The following MBTPS1 variants were observed in gnomAD, a reference collection of about 807,000 sequenced individuals.
MBTPS1 encodes membrane bound transcription factor peptidase, site 1, also known as membrane-bound transcription factor site-1 protease.
In MBTPS1, 94 loss-of-function variants were observed where a neutral mutation model predicts 127.8. The ratio of observed to expected loss-of-function variants is 0.74; its 90% CI spans 0.62 to 0.87. The LOEUF is 0.87. MBTPS1 is among the 40% of genes least tolerant of loss of function. MBTPS1 has a pLI of 0.00. For synonymous variants in MBTPS1, 632 were observed against 509.4 expected (o/e 1.24, Z -3.24); for missense variants, 1,636 against 1,353.2 (o/e 1.21, Z -3.28).
intron 10 of MBTPS1, chr16:84,082,125 C>T (rs2085950951): frequency 2.7e-6 from 1 of 371,766 alleles, no homozygotes; most frequent in African/African-American, 2.1e-5. Flanking sequence ...ACGGGACCCA[C>T]TTATGCTAAA....
intron 7 of MBTPS1, among the ~76,000 whole-genome samples, chr16:84,091,368 C>A (rs2151162505): frequency 6.6e-6 from 1 of 151,918 alleles, no homozygotes; most frequent in African/African-American, 2.4e-5. Flanking sequence ...CACCTGTAAT[C>A]CCGGCTACTT....
chr16:84,092,697 C>T (rs2086125857), intron 6 of MBTPS1, among the ~76,000 whole-genome samples: 1 of 152,176 alleles, frequency 6.6e-6, no homozygotes, highest in Admixed American at 6.5e-5. Flanking sequence ...GACCCTCTCC[C>T]TTTTCTATAG....
intron 14 of MBTPS1, among the ~76,000 whole-genome samples, chr16:84,069,030 C>A (rs1313930270): frequency 1.3e-5 from 2 of 152,176 alleles, no homozygotes; most frequent in African/African-American, 4.8e-5. Context: ...AACGGGCTTG[C>A]CTTGGTCTAT....
At chr16:84,063,558 C>G (rs2085643696) in intron 18 of MBTPS1, 113 bp from the exon 19 acceptor site, 1 of 1,038,044 alleles carries the variant, frequency 9.6e-7, no homozygotes, top group Non-Finnish European at 1.4e-6. Flanking sequence ...ATCTAATATT[C>G]AATTAAAACA....
chr16:84,071,857 G>A (rs953930799), intron 12 of MBTPS1: 4 of 152,178 alleles, frequency 2.6e-5, no homozygotes, highest in African/African-American at 9.7e-5. Context: ...CTATGACAGG[G>A]CGATCATGTT....
At chr16:84,113,236 C>T (rs182794140) in intron 1 of MBTPS1, among the ~76,000 whole-genome samples, 2 of 152,196 alleles carry the variant, frequency 1.3e-5, no homozygotes, top group East Asian at 3.9e-4. Flanking sequence ...ACTTAGAGAG[C>T]CTACTTAGGG....
At position 84,103,038 on chromosome 16, in the gene MBTPS1, G is replaced by A. The variant is rs182598265; in HGVS notation, c.-324-931C>T. On this transcript the variant is annotated intron_variant, in intron 1 of 22. Coordinates refer to ENST00000343411, the MANE Select transcript of MBTPS1 (RefSeq NM_003791.4). ...GTCACCTGAATATTAAATTAAGCATGCGCACAGATATCTTCCAAAACATCT... is the reference window on the plus strand; with the variant it reads ...GTCACCTGAATATTAAATTAAGCATACGCACAGATATCTTCCAAAACATCT... Among the ~76,000 whole-genome samples, 8 of 152,218 alleles carry A rather than the reference G, an allele frequency of 5.3e-5. No homozygotes were observed. In the East Asian group the frequency reaches 1.5e-3, roughly 29 times the overall value.
At chr16:84,107,696 A>G (rs145137551) in intron 1 of MBTPS1, among the ~76,000 whole-genome samples, 1 of 140,196 alleles carries the variant, frequency 7.1e-6, no homozygotes, top group Non-Finnish European at 1.5e-5. Flanking sequence ...CAACCCCCGA[A>G]CTCCTGGGCC....
At chr16:84,071,836 G>A (rs1392753286) in intron 12 of MBTPS1, 1 of 152,170 alleles carries the variant, frequency 6.6e-6, no homozygotes, top group African/African-American at 2.4e-5. Context: ...ACACAGCAAT[G>A]GTGAATTTCT....
Position 84,095,641 on chromosome 16 carries a change from T to A in MBTPS1, c.586A>T (p.Thr196Ser). Residue 196 changes from threonine (T) to serine (S), a missense_variant, in exon 4 of 23, where the codon ACA becomes TCA. Coordinates refer to ENST00000343411, the MANE Select transcript of MBTPS1 (RefSeq NM_003791.4). Reference sequence around the variant, plus strand: ...TGCCAGAGCACATCTGCCTGCAGTGTCTGGGCAACCTGGCGCGGGATGGCT... The same window carrying A: ...TGCCAGAGCACATCTGCCTGCAGTGACTGGGCAACCTGGCGCGGGATGGCT... ...LRAIPRQVAQ[T>S]LQADVLWQMG... 2 of 1,614,242 alleles carry A rather than the reference T, an allele frequency of 1.2e-6. No individual in the cohort carries two copies. The highest frequency in any genetic ancestry group is 1.7e-6 in the Non-Finnish European group (2 of 1,180,032).
intron 8 of MBTPS1, among the ~76,000 whole-genome samples, chr16:84,089,595 C>G (rs1161646611): frequency 1.3e-5 from 2 of 152,254 alleles, no homozygotes; most frequent in African/African-American, 4.8e-5. Flanking sequence ...TGCTCTCCCC[C>G]TGCTGTCTGA....
At chr16:84,063,281 A>G (rs776428151) in intron 19 of MBTPS1, 24 bp downstream of exon 19, 2 of 1,596,490 alleles carry the variant, frequency 1.3e-6, no homozygotes, top group Non-Finnish European at 1.7e-6. Context: ...CCGAAGTCAC[A>G]AAGTCCATCT....
At chr16:84,061,969 A>G (rs2085620544) in intron 19 of MBTPS1, among the ~76,000 whole-genome samples, 1 of 152,172 alleles carries the variant, frequency 6.6e-6, no homozygotes, top group Non-Finnish European at 1.5e-5. Flanking sequence ...AAAAGCTGCC[A>G]TTTTAAATGT....
At chr16:84,072,840 T>C (rs1388260055) in intron 12 of MBTPS1, among the ~76,000 whole-genome samples, 1 of 152,196 alleles carries the variant, frequency 6.6e-6, no homozygotes, top group Non-Finnish European at 1.5e-5. Flanking sequence ...CATCTTCTCC[T>C]GAACCCCACT....
At chr16:84,103,488 G>C (rs950904310) in intron 1 of MBTPS1, among the ~76,000 whole-genome samples, 2 of 152,064 alleles carry the variant, frequency 1.3e-5, no homozygotes, top group African/African-American at 4.8e-5. Context: ...TCAAACTCAG[G>C]TGATCCAGCC....
chr16:84,058,961 A>C (rs554519689), intron 21 of MBTPS1, among the ~76,000 whole-genome samples: 1 of 152,296 alleles, frequency 6.6e-6, no homozygotes, highest in South Asian at 2.1e-4. Flanking sequence ...TCAATGTCTG[A>C]AACAGGGAAC....
At chr16:84,108,739 G>C (rs1055106157) in intron 1 of MBTPS1, among the ~76,000 whole-genome samples, 1 of 152,230 alleles carries the variant, frequency 6.6e-6, no homozygotes, top group Non-Finnish European at 1.5e-5. Context: ...GGCACCAGGT[G>C]AGGGGGTCAG....
chr16:84,071,633 TTAG>T (rs2085770773), intron 12 of MBTPS1, among the ~76,000 whole-genome samples: 3 of 152,116 alleles, frequency 2.0e-5, no homozygotes, highest in Admixed American at 1.3e-4. Flanking sequence ...TACATAAAAA[TTAG>T]TAGAAAAATA....
rs2085940551 is a variant in MBTPS1, at chr16:84,081,604, G to C, written c.1448+143C>G. The C allele has an allele frequency of 9.1e-6, 5 of 547,694 alleles. No individual in the cohort carries two copies. In the East Asian group the frequency reaches 1.6e-4, roughly 18 times the overall value. The allele number at this position is 547,694 out of a possible 1,614,324, so 33.9% of individuals were successfully genotyped here. ...CTGCCAGCAGCACCCTGTAGAAGCA[G>C]CAGCAAAACCTCTCCAAGCACCCCG... On this transcript the variant is annotated intron_variant, in intron 11 of 22. Coordinates refer to ENST00000343411, the MANE Select transcript of MBTPS1 (RefSeq NM_003791.4).
Sources: allele counts gnomAD v4.1 joint callset (sites outside exome capture counted in the v4.1 genomes callset), GRCh38; gene constraint gnomAD v4.1.1; transcripts MANE v1.5; gene names NCBI Gene and HGNC (gene_info 2026-07-23, HGNC 2026-07-21).